ZNF835: variants seen among roughly 807,000 people sequenced by gnomAD.
ZNF835 encodes the protein zinc finger protein 835.
For synonymous variants in ZNF835, 323 were observed against 324.7 expected (o/e 0.99, Z 0.06); for missense variants, 783 against 758.4 (o/e 1.03, Z -0.38).
Position 56,664,912 on chromosome 19 carries a change from T to C in ZNF835, c.287A>G (p.Asp96Gly), listed in dbSNP as rs761635701. Residue 96 changes from aspartate to glycine, a missense_variant, in exon 2 of 2, where the codon GAC (aspartate) becomes GGC (glycine). Physicochemically the swap from Asp to Gly is moderately conservative, Grantham distance 94. Coordinates refer to ENST00000537055, the MANE Select transcript of ZNF835 (RefSeq NM_001005850.3). The stretch of plus-strand genomic sequence containing the variant: ...TCCACCTCTCTCCCGCTGGCGGCTG[T>C]CAGGATGCCTCTCCTTCGGGCTCTC... ...PGESPKERHPDSRQRERGGGP... is the reference protein window; with the variant it reads ...PGESPKERHPGSRQRERGGGP... The C allele has an allele frequency of 3.7e-6, 6 of 1,613,812 alleles. No homozygotes were observed. The Admixed American group carries it at 8.3e-5, about 22-fold the overall frequency.
At chr19:56,665,567 TGC>T (rs2045238742) in intron 1 of ZNF835, 6 of 498,436 alleles carry the variant, frequency 1.2e-5, no homozygotes, top group African/African-American at 1.2e-4. Flanking sequence ...GGCAGGTGGT[TGC>T]TTGAGCCCAG....
At chr19:56,666,592 CA>C (rs2045247789) in intron 1 of ZNF835, among the ~76,000 whole-genome samples, 3 of 152,184 alleles carry the variant, frequency 2.0e-5, no homozygotes, top group Admixed American at 6.5e-5. Flanking sequence ...TTTATTGCTT[CA>C]GCCACCTAAT....
chr19:56,667,251 C>T (rs1027656759), intron 1 of ZNF835, among the ~76,000 whole-genome samples: 1 of 152,234 alleles, frequency 6.6e-6, no homozygotes, highest in Non-Finnish European at 1.5e-5. Context: ...TGGCGAGAAA[C>T]TCACCACTGA....
Position 56,664,491 on chromosome 19 carries a change from G to A in ZNF835, c.708C>T (p.Ser236=). 6.2e-7 allele frequency: 1 copy of A among 1,608,890 alleles called. No homozygotes were observed. Among genetic ancestry groups the A allele is most frequent in the South Asian group, 1.1e-5 (1 of 90,902 alleles). ...TGTGGATGCGCTGGTGCTCTATCAG[G>A]GACGAGCGGTTGCGGAACGCCTTGG... ...QCAKAFRNRS[S]LIEHQRIHTG... The change falls in exon 2 of 2, where the codon TCC becomes TCT. Residue 236 remains serine (S), a synonymous_variant. Coordinates refer to ENST00000537055, the MANE Select transcript of ZNF835 (RefSeq NM_001005850.3).
chr19:56,664,756 C>T lies in ZNF835; in HGVS notation c.443G>A (p.Ser148Asn). The change falls in exon 2 of 2, where the codon AGC becomes AAC. Residue 148 changes from serine (S) to asparagine (N), a missense_variant. Physicochemically the swap from Ser to Asn is conservative, Grantham distance 46. Coordinates refer to ENST00000537055, the MANE Select transcript of ZNF835 (RefSeq NM_001005850.3). ...GTGCAGGGTCAGGTGCACGCTCTGG[C>T]TGAAGGCCTTGCCGCACTCGGGGCA... ...FACPECGKAF[S>N]QSVHLTLHQR... 1.9e-6 allele frequency: 3 copies of T among 1,613,996 alleles called. No individual in the cohort carries two copies. The highest frequency in any genetic ancestry group is 1.7e-4 in the Middle Eastern group (1 of 6,060).
At chr19:56,668,648 G>A (rs2148057838) in intron 1 of ZNF835, among the ~76,000 whole-genome samples, 1 of 151,586 alleles carries the variant, frequency 6.6e-6, no homozygotes, top group South Asian at 2.1e-4. Context: ...TTGTGTTCAG[G>A]GTGGAGAACA....
At chr19:56,667,622 G>C (rs868148080) in intron 1 of ZNF835, among the ~76,000 whole-genome samples, 13 of 152,222 alleles carry the variant, frequency 8.5e-5, no homozygotes, top group Admixed American at 3.3e-4. Flanking sequence ...AGAGTGCTCG[G>C]CCTTTGGCTC....
Position 56,664,316 on chromosome 19 carries a change from G to T in ZNF835, c.883C>A (p.Gln295Lys), listed in dbSNP as rs1389692442. Residue 295 changes from glutamine (Q) to lysine (K), a missense_variant, in exon 2 of 2, where the codon CAG becomes AAG. By Grantham distance (53) the Gln-to-Lys change is moderately conservative (BLOSUM62 1). Coordinates refer to ENST00000537055, the MANE Select transcript of ZNF835 (RefSeq NM_001005850.3). ...TCGCCCGTGTGCACGCGCCGGTGCT[G>T]GGTCAGGTGCGCGATCTGCGCGAAG... ...KAFAQIAHLT[Q>K]HRRVHTGEKP... 2 of 1,605,170 alleles carry T rather than the reference G, an allele frequency of 1.2e-6. No individual in the cohort carries two copies. The highest frequency in any genetic ancestry group is 2.3e-5 in the East Asian group (1 of 44,360).
rs1265579224 is a variant in ZNF835, at chr19:56,662,812, G to A, written c.*773C>T. Reference sequence around the variant, plus strand: ...TGCCAAGGCAGGCAGATCGCCTGATGTTAGGAGTTCGAGACAGCCTGGCCA... The same window carrying A: ...TGCCAAGGCAGGCAGATCGCCTGATATTAGGAGTTCGAGACAGCCTGGCCA... On this transcript the variant is annotated 3_prime_UTR_variant, in exon 2 of 2. Coordinates refer to ENST00000537055, the MANE Select transcript of ZNF835 (RefSeq NM_001005850.3). 2 of 152,244 alleles carry A rather than the reference G, an allele frequency of 1.3e-5. No individual in the cohort carries two copies. The highest frequency in any genetic ancestry group is 4.8e-5 in the African/African-American group (2 of 41,454). The allele number at this position is 152,244 out of a possible 1,614,324, so 9.4% of individuals were successfully genotyped here.
chr19:56,664,764 C>T lies in ZNF835; in HGVS notation c.435G>A (p.Lys145=). The change falls in exon 2 of 2, where the codon AAG becomes AAA. Residue 145 remains lysine (K), a synonymous_variant. Transcript: ENST00000537055. ...EKPFACPECG[K]AFSQSVHLTL... ...TCAGGTGCACGCTCTGGCTGAAGGC[C>T]TTGCCGCACTCGGGGCACGCAAATG... 4 of 1,614,144 alleles carry T rather than the reference C, an allele frequency of 2.5e-6. No individual in the cohort carries two copies. The highest frequency in any genetic ancestry group is 1.7e-5 in the Admixed American group (1 of 60,030).
In ZNF835 at chr19:56,665,206, C is replaced by CCCTG; in HGVS notation, c.-12_-9dup. The CCCTG allele has an allele frequency of 6.2e-7, 1 of 1,613,812 alleles. No individual in the cohort carries two copies. The highest frequency in any genetic ancestry group is 8.5e-7 in the Non-Finnish European group (1 of 1,179,868). ...GCTCAAGAGTCCCTCCATCCTCGAT[C>CCCTG]CCTGGGCTGCTGTCTTGATCTCACA... On this transcript the variant is annotated 5_prime_UTR_variant, in exon 2 of 2. Coordinates refer to ENST00000537055, the MANE Select transcript of ZNF835 (RefSeq NM_001005850.3).
In ZNF835 at chr19:56,664,392, C is replaced by G; in HGVS notation, c.807G>C (p.Gln269His). ...AGGGCTTCTCCTCCGTGTGGATGCG[C>G]TGGTGGCGGATGAGCGCTGAGGAGA... ...FRFSSALIRHQRIHTEEKPYR... is the reference protein window; with the variant it reads ...FRFSSALIRHHRIHTEEKPYR... The change falls in exon 2 of 2, where the codon CAG (glutamine) becomes CAC (histidine). Residue 269 changes from glutamine (Q) to histidine (H), a missense_variant. Transcript: ENST00000537055. 6.2e-7 allele frequency: 1 copy of G among 1,611,548 alleles called. No homozygotes were observed. The highest frequency in any genetic ancestry group is 8.5e-7 in the Non-Finnish European group (1 of 1,179,116).
At position 56,665,137 on chromosome 19, in the gene ZNF835, T is replaced by G. The variant is rs1244120055; in HGVS notation, c.62A>C (p.Glu21Ala). Residue 21 changes from glutamate (E) to alanine (A), a missense_variant, in exon 2 of 2, where the codon GAG becomes GCG. Physicochemically the swap from Glu to Ala is moderately radical, Grantham distance 107 (BLOSUM62 -1). Transcript: ENST00000537055. ...GAELEGNWKH[E>A]GQVEDLQENQ... is the part of the protein sequence containing the mutation. ...TTCCTGCAGGTCCTCAACCTGGCCC[T>G]CGTGTTTCCAGTTTCCTTCCAACTC... 6.2e-7 allele frequency: 1 copy of G among 1,613,946 alleles called. No individual in the cohort carries two copies. Among genetic ancestry groups the G allele is most frequent in the Non-Finnish European group, 8.5e-7 (1 of 1,179,906 alleles).
chr19:56,664,082 T>C lies in ZNF835; in HGVS notation c.1117A>G (p.Asn373Asp). ...CGGTGCTGGAGGAGGTGGGAGCGGT[T>C]GCTGAAGCGCTTGCCGCAGTCGTGG... is the stretch of plus-strand genomic sequence containing the variant. ...PCHDCGKRFS[N>D]RSHLLQHRLV... The change falls in exon 2 of 2, where the codon AAC becomes GAC. Residue 373 changes from asparagine (N) to aspartate (D), a missense_variant. Coordinates refer to ENST00000537055, the MANE Select transcript of ZNF835 (RefSeq NM_001005850.3). The C allele has an allele frequency of 6.3e-7, 1 of 1,598,472 alleles. No individual in the cohort carries two copies. Among genetic ancestry groups the C allele is most frequent in the Non-Finnish European group, 8.5e-7 (1 of 1,170,028 alleles).
In ZNF835 at chr19:56,663,744, G is replaced by A; in HGVS notation, c.1455C>T (p.Phe485=). Residue 485 remains phenylalanine, a synonymous_variant, in exon 2 of 2, where the codon TTC becomes TTT. Coordinates refer to ENST00000537055, the MANE Select transcript of ZNF835 (RefSeq NM_001005850.3). ...TCTGGTGTCGGATGAGCGCGGAGGA[G>A]AAGCTGAAGGCCTTCCCGCAGCCGC... ...ECSGCGKAFS[F]SSALIRHQRT... 1 of 1,614,048 alleles carries A rather than the reference G, an allele frequency of 6.2e-7. No homozygotes were observed. Among genetic ancestry groups the A allele is most frequent in the South Asian group, 1.1e-5 (1 of 91,092 alleles).
Position 56,663,708 on chromosome 19 carries a change from T to C in ZNF835, c.1491A>G (p.Ala497=), listed in dbSNP as rs1299543289. 6.2e-7 allele frequency: 1 copy of C among 1,613,902 alleles called. No individual in the cohort carries two copies. The highest frequency in any genetic ancestry group is 8.5e-7 in the Non-Finnish European group (1 of 1,179,912). ...CTGGGCAAAGGCGTCCCGAACTGTC[T>C]GCATGCGTCCTCTGGTGTCGGATGA... ...SALIRHQRTH[A]DSSGRLCPAP... The change falls in exon 2 of 2, where the codon GCA becomes GCG. Residue 497 remains alanine, a synonymous_variant. Transcript: ENST00000537055.
intron 1 of ZNF835, among the ~76,000 whole-genome samples, chr19:56,669,216 A>G (rs1338362115): frequency 6.6e-6 from 1 of 152,146 alleles, no homozygotes; most frequent in Non-Finnish European, 1.5e-5. Context: ...TAAAGGATAC[A>G]ACTCAGGAAC....
At position 56,664,459 on chromosome 19, in the gene ZNF835, T is replaced by TA; in HGVS notation, c.739_740insT (p.Glu247ValfsTer141). ...GCACGCGGAGCACTCGTAGGGCTTC[T>TA]CACCGGTGTGGATGCGCTGGTGCTC... On this transcript the variant is annotated frameshift_variant, in exon 2 of 2. Transcript: ENST00000537055. LOFTEE classifies it low-confidence loss of function (END_TRUNC). 5 of 1,612,642 alleles carry TA rather than the reference T, an allele frequency of 3.1e-6. No individual in the cohort carries two copies. Among genetic ancestry groups the TA allele is most frequent in the Non-Finnish European group, 4.2e-6 (5 of 1,179,322 alleles).
At chr19:56,671,078 C>A (rs2045286331) in intron 1 of ZNF835, among the ~76,000 whole-genome samples, 1 of 152,174 alleles carries the variant, frequency 6.6e-6, no homozygotes, top group South Asian at 2.1e-4. Flanking sequence ...GGCTCACAGG[C>A]AGTCACACAC....
Sources: gnomAD v4.1 joint callset for allele counts (sites outside exome capture counted in the v4.1 genomes callset) on GRCh38, gnomAD v4.1.1 for gene constraint, MANE v1.5 for transcripts, NCBI Gene and HGNC (gene_info 2026-07-23, HGNC 2026-07-21) for gene names.